MACF1: variants seen among roughly 807,000 people sequenced by gnomAD.
The protein encoded by MACF1 is microtubule-actin cross-linking factor 1.
In MACF1, 193 loss-of-function variants were observed where a neutral mutation model predicts 854.8. The observed-to-expected ratio is 0.23, with a 90% CI of 0.20 to 0.25. The LOEUF (loss-of-function observed/expected upper bound fraction) is 0.25. Among genes scored for constraint, MACF1 ranks in the 10% least tolerant of loss-of-function variants. The pLI is 1.00. For synonymous variants in MACF1, 3,185 were observed against 3,226.7 expected (o/e 0.99, Z 0.44); for missense variants, 7,722 against 8,929.1 (o/e 0.86, Z 5.45).
chr1:39,158,764 A>G (rs559223491), intron 2 of MACF1, among the ~76,000 whole-genome samples: 20 of 152,302 alleles, frequency 1.3e-4, no homozygotes, highest in African/African-American at 4.1e-4. Flanking sequence ...ATTTCCGCTC[A>G]CTGGAACAAA....
intron 2 of MACF1, among the ~76,000 whole-genome samples, chr1:39,161,726 G>A (rs766913687): frequency 2.0e-5 from 3 of 151,924 alleles, no homozygotes; most frequent in Non-Finnish European, 4.4e-5. Context: ...AATTAGCCAG[G>A]CGTGGTGGCG....
upstream of MACF1, among the ~76,000 whole-genome samples, chr1:39,202,669 T>C (rs1235420309): frequency 2.6e-5 from 4 of 152,032 alleles, no homozygotes; most frequent in Non-Finnish European, 1.5e-5. Flanking sequence ...CCCATTGACA[T>C]TGACACTCCA....
rs1032126828 is a variant in MACF1, at chr1:39,247,317, C to T, written c.172-2697C>T. On this transcript the variant is annotated intron_variant, in intron 2 of 100. Transcript: ENST00000564288. ...CGATCTCCTGACCTCGTGATCCGCCCGTCTCGGCCTCCCAAAGTGCTGGGA... is the reference window on the plus strand; with the variant it reads ...CGATCTCCTGACCTCGTGATCCGCCTGTCTCGGCCTCCCAAAGTGCTGGGA... Among the ~76,000 whole-genome samples, 5 of 151,870 alleles carry T rather than the reference C, an allele frequency of 3.3e-5. No homozygotes were observed. In the East Asian group the frequency reaches 5.8e-4, roughly 18 times the overall value.
chr1:39,107,288 G>A lies in MACF1; in HGVS notation c.220+22850G>A, dbSNP rs112477092. ...TAGCAAATGAGGCTGGGAAAGAAGG[G>A]GGCAGTAGGGCTTGTTCCAGGAGAG... On this transcript the variant is annotated intron_variant, in intron 2 of 93. Coordinates refer to the MACF1 transcript ENST00000361689. Among the ~76,000 whole-genome samples the A allele has an allele frequency of 5.4e-3, 827 of 152,172 alleles. 7 individuals carry two copies. Among genetic ancestry groups the A allele is most frequent in the African/African-American group, 0.018 (766 of 41,512 alleles).
chr1:39,382,982 G>A (rs984928399), intron 56 of MACF1, among the ~76,000 whole-genome samples: 13 of 152,046 alleles, frequency 8.6e-5, no homozygotes, highest in African/African-American at 1.9e-4. Context: ...TTAGCCGGGC[G>A]TGGTGGCAGG....
intron 54 of MACF1, 147 bp from the exon 55 acceptor site, chr1:39,380,097 T>G (rs1281202214): frequency 1.5e-6 from 1 of 682,056 alleles, no homozygotes; most frequent in African/African-American, 1.9e-5. Context: ...GTAGAAGGGT[T>G]AAGTATCTTA....
chr1:39,412,760 A>G (rs1331074118), intron 58 of MACF1: 3 of 1,613,128 alleles, frequency 1.9e-6, no homozygotes, highest in African/African-American at 2.7e-5. Flanking sequence ...CCCGTCCTCC[A>G]GAGACCTTCC....
intron 6 of MACF1, among the ~76,000 whole-genome samples, chr1:39,280,301 T>A (rs1484598389): frequency 6.6e-6 from 1 of 152,234 alleles, no homozygotes; most frequent in Non-Finnish European, 1.5e-5. Context: ...GGTCCCACCA[T>A]ACAACCAGCA....
Position 39,097,982 on chromosome 1 carries a change from A to T in MACF1, c.220+13544A>T, listed in dbSNP as rs556424813. On this transcript the variant is annotated intron_variant, in intron 2 of 93. Coordinates refer to the MACF1 transcript ENST00000361689. ...CTTCAAGTGAAGAGAAGTTTCATAG[A>T]TTAAAAAAAGCCACACCTCACAGTT... 2.6e-5 allele frequency among the ~76,000 whole-genome samples: 4 copies of T among 152,254 alleles called. No homozygotes were observed. In the South Asian group the frequency reaches 8.3e-4, roughly 32 times the overall value.
rs965096084 is a variant in MACF1, at chr1:39,448,596, G to T, written c.20091G>T (p.Glu6697Asp). Residue 6697 changes from glutamate to aspartate, a missense_variant and splice_region_variant, in exon 84 of 101, where the codon GAG becomes GAT. Around this residue, in one of 15 missense-constraint regions of MACF1, gnomAD observed 729 missense variants for 900.5 expected, o/e 0.81. Coordinates refer to ENST00000564288, the MANE Select transcript of MACF1 (RefSeq NM_001394062.1). ...TTCTTTTCTTTCTGGAAACATAGGA[G>T]TTTCAGAAGACTCTTGGTGGCAAGC... ...KIKLQLSKHK[E>D]FQKTLGGKQP... 2.6e-5 allele frequency: 40 copies of T among 1,514,070 alleles called. No homozygotes were observed. The highest frequency in any genetic ancestry group is 3.4e-5 in the Non-Finnish European group (38 of 1,127,358). The allele number at this position is 1,514,070 out of a possible 1,614,324, so 93.8% of individuals were successfully genotyped here. A position where few individuals can be genotyped will look rare whatever the true frequency, so the allele number is the denominator to read the frequency against.
intron 2 of MACF1, among the ~76,000 whole-genome samples, chr1:39,110,367 G>C (rs1642367672): frequency 6.6e-6 from 1 of 151,228 alleles, no homozygotes; most frequent in South Asian, 2.1e-4. Flanking sequence ...CTCCCAAGTA[G>C]CTGGGACTAA....
intron 85 of MACF1, 57 bp from the exon 86 acceptor site, chr1:39,452,099 G>A: frequency 7.2e-7 from 1 of 1,385,556 alleles, no homozygotes; most frequent in Non-Finnish European, 9.9e-7. Context: ...TTTCCCAGTG[G>A]TTTCTTGGAC....
Position 39,283,136 on chromosome 1 carries a change from CATGT to C in MACF1, c.696-52_696-49del. The stretch of plus-strand genomic sequence containing the variant: ...TCAGGAGGTTTTCTTTGTGTAAACT[CATGT>C]GTGATGTGTAGATGGTGGCGTTTCA... On this transcript the variant is annotated intron_variant, in intron 7 of 100. Coordinates refer to ENST00000564288, the MANE Select transcript of MACF1 (RefSeq NM_001394062.1). The surrounding 1 kb of genome is among the most constrained non-coding windows in gnomAD (Gnocchi z 4.5). 1 of 1,117,220 alleles carries C rather than the reference CATGT, an allele frequency of 9.0e-7. No homozygotes were observed. Among genetic ancestry groups the C allele is most frequent in the South Asian group, 1.3e-5 (1 of 78,198 alleles). 69.2% of individuals were successfully genotyped at this position (1,117,220 alleles called of 1,614,324 possible). A position where few individuals can be genotyped will look rare whatever the true frequency, so the allele number is the denominator to read the frequency against.
Position 39,455,373 on chromosome 1 carries a change from T to C in MACF1, c.21075+276T>C, listed in dbSNP as rs372680978. Among the ~76,000 whole-genome samples, 5 of 152,090 alleles carry C rather than the reference T, an allele frequency of 3.3e-5. No individual in the cohort carries two copies. The East Asian group carries it at 9.7e-4, about 29-fold the overall frequency. On this transcript the variant is annotated intron_variant, in intron 89 of 100. Coordinates refer to ENST00000564288, the MANE Select transcript of MACF1 (RefSeq NM_001394062.1). ...TGGAGTTCAGGGTCCTCTTTTAGGC[T>C]CACTCAGGATGTTGGCAGAATCCAG...
chr1:39,253,316 AG>A (rs953993077), intron 4 of MACF1, among the ~76,000 whole-genome samples: 3 of 152,146 alleles, frequency 2.0e-5, no homozygotes, highest in Admixed American at 2.0e-4. Context: ...TTATGTTGAC[AG>A]CCCTACACTA....
rs763870531 is a variant in MACF1, at chr1:39,310,377, G to C, written c.3049G>C (p.Val1017Leu). The change falls in exon 25 of 101, where the codon GTG becomes CTG. Residue 1017 changes from valine to leucine, a missense_variant. Val to Leu is a conservative substitution (Grantham distance 32). Around this residue, in one of 15 missense-constraint regions of MACF1, gnomAD observed 1,137 missense variants for 1,263.0 expected, o/e 0.90. Transcript: ENST00000564288. ...VADRLRLEEE[V>L]EACKARFQHL... is the part of the protein sequence containing the mutation. ...TGATCGCTTGCGCTTGGAAGAGGAG[G>C]TGGAAGCTTGTAAAGCCCGCTTCCA... 6 of 1,614,174 alleles carry C rather than the reference G, an allele frequency of 3.7e-6. No homozygotes were observed. In the East Asian group the frequency reaches 1.3e-4, roughly 36 times the overall value.
At chr1:39,378,290 T>G (rs1295165909) in intron 52 of MACF1, among the ~76,000 whole-genome samples, 171 bp from the exon 53 acceptor site, 1 of 152,238 alleles carries the variant, frequency 6.6e-6, no homozygotes, top group Non-Finnish European at 1.5e-5. Flanking sequence ...AGTGACGTTT[T>G]GTTGCCTGGC....
chr1:39,230,314 A>G (rs1281565002), intron 1 of MACF1, among the ~76,000 whole-genome samples: 1 of 152,182 alleles, frequency 6.6e-6, no homozygotes, highest in African/African-American at 2.4e-5. Flanking sequence ...TAAATGAACC[A>G]AGTCATCGGG....
chr1:39,386,971 C>CA (rs1324022254), intron 57 of MACF1, among the ~76,000 whole-genome samples: 1 of 152,168 alleles, frequency 6.6e-6, no homozygotes, highest in African/African-American at 2.4e-5. Context: ...AGCTAGAAGT[C>CA]AAAGTTTACT....
Sources: gnomAD v4.1 joint callset for allele counts (sites outside exome capture counted in the v4.1 genomes callset) on GRCh38, gnomAD v4.1.1 for gene constraint, gnomAD v4.1.1 regional missense constraint, Gnocchi (gnomAD v3.1) non-coding constraint, MANE v1.5 for transcripts, NCBI Gene and HGNC (gene_info 2026-07-23, HGNC 2026-07-21) for gene names.